CTNNA2: variants seen among roughly 807,000 people sequenced by gnomAD.
The protein encoded by CTNNA2 is catenin alpha-2.
In CTNNA2, 42 loss-of-function variants were observed where a neutral mutation model predicts 101.0. That is an observed-to-expected ratio of 0.42 (90% CI 0.32 to 0.54). The LOEUF (loss-of-function observed/expected upper bound fraction) is 0.54, where lower values mean the gene tolerates loss of function less well. Ranked by LOEUF, CTNNA2 falls within the 20% of genes least tolerant of loss-of-function variation. The pLI is 0.14. For missense variants in CTNNA2, 871 were observed against 1,223.1 expected (o/e 0.71, Z 4.29); for synonymous variants, 450 against 456.4 (o/e 0.99, Z 0.18).
intron 2 of CTNNA2, among the ~76,000 whole-genome samples, chr2:79,286,588 C>G (rs372819269): frequency 6.6e-6 from 1 of 152,160 alleles, no homozygotes; most frequent in Non-Finnish European, 1.5e-5. Context: ...GGCCCCCACT[C>G]TCTTCTGGCT....
intron 6 of CTNNA2, among the ~76,000 whole-genome samples, chr2:79,891,957 G>A (rs935024245): frequency 1.3e-4 from 20 of 151,766 alleles, no homozygotes; most frequent in South Asian, 4.2e-4. Flanking sequence ...TAGTATTTGC[G>A]AAAAATTAAA....
rs374333210 is a variant in CTNNA2, at chr2:79,515,633, AT to A, written c.-6+2433del. Among the ~76,000 whole-genome samples, 22 of 152,292 alleles carry A rather than the reference AT, an allele frequency of 1.4e-4. No homozygotes were observed. In the South Asian group the frequency reaches 2.3e-3, roughly 16 times the overall value. ...TTAAAGAACTAGCAAACAAAGTAAC[AT>A]TTTTTTACAGCAAAATTTTAAGAGA... On this transcript the variant is annotated intron_variant, in intron 1 of 18. Coordinates refer to ENST00000402739, the MANE Select transcript of CTNNA2 (RefSeq NM_001282597.3).
intron 12 of CTNNA2, among the ~76,000 whole-genome samples, chr2:80,567,395 C>G (rs1282016522): frequency 6.6e-6 from 1 of 152,134 alleles, no homozygotes; most frequent in African/African-American, 2.4e-5. Context: ...ACTCGGTCTT[C>G]TTACAACTGA....
chr2:80,269,050 A>G (rs1673237575), intron 7 of CTNNA2, among the ~76,000 whole-genome samples: 2 of 152,382 alleles, frequency 1.3e-5, no homozygotes, highest in African/African-American at 2.4e-5. Context: ...GCAAGTTTTC[A>G]TGACCATAAC....
chr2:79,903,767 G>C (rs1049657145), intron 6 of CTNNA2, among the ~76,000 whole-genome samples: 1 of 152,180 alleles, frequency 6.6e-6, no homozygotes, highest in Non-Finnish European at 1.5e-5. Context: ...CAGGCCAGTG[G>C]GGAGCCCGGA....
chr2:80,509,905 T>C (rs1318211858), intron 9 of CTNNA2, among the ~76,000 whole-genome samples: 1 of 152,186 alleles, frequency 6.6e-6, no homozygotes, highest in Non-Finnish European at 1.5e-5. Flanking sequence ...ATATTCAGGC[T>C]TGAGAAGCAG....
At chr2:80,154,427 A>G (rs1703887935) in intron 7 of CTNNA2, among the ~76,000 whole-genome samples, 2 of 152,184 alleles carry the variant, frequency 1.3e-5, no homozygotes, top group Non-Finnish European at 2.9e-5. Flanking sequence ...GGTTTCCACA[A>G]TGCCGGGAGC....
intron 9 of CTNNA2, among the ~76,000 whole-genome samples, chr2:80,497,382 C>T: frequency 6.6e-6 from 1 of 152,180 alleles, no homozygotes; most frequent in Non-Finnish European, 1.5e-5. Context: ...TAGTTCCTTC[C>T]TAGCTCCAGA....
chr2:79,832,543 T>G (rs1679005390), intron 3 of CTNNA2, among the ~76,000 whole-genome samples: 1 of 152,206 alleles, frequency 6.6e-6, no homozygotes, highest in South Asian at 2.1e-4. Context: ...AACTTGACAG[T>G]TTTCTGGTGT....
At chr2:79,826,539 A>G (rs2974177) in intron 3 of CTNNA2, among the ~76,000 whole-genome samples, 72 of 152,220 alleles carry the variant, frequency 4.7e-4, no homozygotes, top group Middle Eastern at 3.2e-3. Flanking sequence ...GAGCAACTGC[A>G]GCCACTATCA....
chr2:80,208,227 A>G (rs890381062), intron 7 of CTNNA2, among the ~76,000 whole-genome samples: 1 of 152,192 alleles, frequency 6.6e-6, no homozygotes, highest in African/African-American at 2.4e-5. Flanking sequence ...ACTTCTTTTC[A>G]TATGTGCTTT....
At chr2:79,373,530 C>G (rs929227325) in intron 3 of CTNNA2, among the ~76,000 whole-genome samples, 3 of 152,108 alleles carry the variant, frequency 2.0e-5, no homozygotes, top group African/African-American at 4.8e-5. Context: ...TTTTCAAGCA[C>G]TCAGTCAGTG....
intron 1 of CTNNA2, among the ~76,000 whole-genome samples, chr2:79,594,113 A>G (rs1677041415): frequency 6.6e-6 from 1 of 151,684 alleles, no homozygotes. Flanking sequence ...GGTCTTGAAC[A>G]CCTGAACTCA....
intron 4 of CTNNA2, among the ~76,000 whole-genome samples, chr2:79,386,625 A>G (rs542854462): frequency 6.6e-6 from 1 of 152,294 alleles, no homozygotes; most frequent in East Asian, 1.9e-4. Flanking sequence ...TGCCTTACTT[A>G]ACTATTTTAT....
At chr2:79,287,212 A>G (rs932346593) in intron 2 of CTNNA2, among the ~76,000 whole-genome samples, 8 of 152,214 alleles carry the variant, frequency 5.3e-5, no homozygotes, top group African/African-American at 1.9e-4. Flanking sequence ...GTCCTCCCGT[A>G]GCTCGGAGTA....
chr2:80,184,332 A>G (rs933819206), intron 7 of CTNNA2, among the ~76,000 whole-genome samples: 3 of 152,184 alleles, frequency 2.0e-5, no homozygotes, highest in African/African-American at 7.2e-5. Context: ...ATTAAGTGTG[A>G]TAAAGAAATA....
At chr2:80,082,280 A>T (rs1699199014) in intron 7 of CTNNA2, among the ~76,000 whole-genome samples, 1 of 152,026 alleles carries the variant, frequency 6.6e-6, no homozygotes, top group South Asian at 2.1e-4. Flanking sequence ...CCATTCTTTT[A>T]AAAAGTATTC....
At chr2:79,739,668 C>G (rs1671146092) in intron 2 of CTNNA2, among the ~76,000 whole-genome samples, 1 of 152,206 alleles carries the variant, frequency 6.6e-6, no homozygotes, top group Non-Finnish European at 1.5e-5. Context: ...CAAGCTGCAT[C>G]AGACACTTAA....
At chr2:79,294,243 AG>A (rs1558610747) in intron 2 of CTNNA2, among the ~76,000 whole-genome samples, 127 of 135,292 alleles carry the variant, frequency 9.4e-4, no homozygotes, top group Admixed American at 1.7e-3. Context: ...GAAGAAGAGG[AG>A]GAGGAGGAGG....
Sources: gnomAD v4.1 joint callset for allele counts (sites outside exome capture counted in the v4.1 genomes callset) on GRCh38, gnomAD v4.1.1 for gene constraint, MANE v1.5 for transcripts, NCBI Gene and HGNC (gene_info 2026-07-23, HGNC 2026-07-21) for gene names.